The following SPINK8 variants were observed in gnomAD, a reference collection of about 807,000 sequenced individuals.
SPINK8 encodes serine protease inhibitor Kazal-type 8.
A neutral mutation model predicts 14.4 loss-of-function variants in SPINK8; 12 were observed. The ratio of observed to expected loss-of-function variants is 0.83; its 90% CI spans 0.53 to 1.35. The LOEUF is 1.35. Among genes scored for constraint, SPINK8 ranks in the 40% most tolerant of loss-of-function variants. The pLI is 0.00. For synonymous variants in SPINK8, 32 were observed against 37.6 expected (o/e 0.85, Z 0.55); for missense variants, 103 against 117.0 (o/e 0.88, Z 0.55).
intron 2 of SPINK8, among the ~76,000 whole-genome samples, chr3:48,330,795 A>G (rs2036246453): frequency 7.7e-6 from 1 of 129,654 alleles, no homozygotes. Flanking sequence ...CACCTTCTCT[A>G]GCTAGGCTTA....
At chr3:48,310,451 G>A (rs944205947) in intron 6 of SPINK8, among the ~76,000 whole-genome samples, 8 of 150,388 alleles carry the variant, frequency 5.3e-5, no homozygotes, top group African/African-American at 9.8e-5. Flanking sequence ...AAAATGTCCC[G>A]ACAAACACCA....
intron 7 of SPINK8, among the ~76,000 whole-genome samples, chr3:48,307,682 G>A (rs898700695): frequency 1.3e-5 from 2 of 151,932 alleles, no homozygotes; most frequent in South Asian, 2.1e-4. Context: ...TCATATATAT[G>A]AGTACATATC....
intron 4 of SPINK8, among the ~76,000 whole-genome samples, chr3:48,325,614 G>A (rs2036129231): frequency 6.9e-6 from 1 of 144,308 alleles, no homozygotes; most frequent in South Asian, 2.2e-4. Context: ...TTTTTTGAGA[G>A]TGAGTTTCAC....
intron 2 of SPINK8, among the ~76,000 whole-genome samples, chr3:48,330,539 T>G (rs2107117145): frequency 6.6e-6 from 1 of 152,162 alleles, no homozygotes; most frequent in East Asian, 1.9e-4. Flanking sequence ...TTGCAAGATT[T>G]AATAGAGTGG....
At chr3:48,319,862 G>A (rs554968717) in intron 5 of SPINK8, among the ~76,000 whole-genome samples, 4 of 152,218 alleles carry the variant, frequency 2.6e-5, no homozygotes, top group East Asian at 1.9e-4. Flanking sequence ...TAAAAATACC[G>A]GCCGGGCGCG....
chr3:48,314,408 G>C (rs1232227719), intron 6 of SPINK8, among the ~76,000 whole-genome samples: 2 of 151,710 alleles, frequency 1.3e-5, no homozygotes, highest in Non-Finnish European at 2.9e-5. Flanking sequence ...TTCTCAGTAA[G>C]AATAGTGAGT....
At chr3:48,323,193 G>A (rs1198560455) in intron 4 of SPINK8, among the ~76,000 whole-genome samples, 1 of 152,072 alleles carries the variant, frequency 6.6e-6, no homozygotes, top group Admixed American at 6.5e-5. Flanking sequence ...CACACAGGCT[G>A]GAGTGCAGTG....
chr3:48,307,537 CCCCA>C (rs142284489), intron 7 of SPINK8, among the ~76,000 whole-genome samples: 26,350 of 131,100 alleles, frequency 0.2, 3,062 homozygotes, highest in South Asian at 0.28. Flanking sequence ...CCTATCTGCC[CCCCA>C]CCCCCCCACC....
chr3:48,310,327 G>C (rs1314113434), intron 6 of SPINK8, among the ~76,000 whole-genome samples: 1 of 152,042 alleles, frequency 6.6e-6, no homozygotes, highest in Admixed American at 6.5e-5. Context: ...CAATAGATTA[G>C]ATATTCTGGA....
At chr3:48,316,086 G>GA (rs1205493858) in intron 6 of SPINK8, among the ~76,000 whole-genome samples, 1 of 152,068 alleles carries the variant, frequency 6.6e-6, no homozygotes, top group Non-Finnish European at 1.5e-5. Context: ...TTCAAATTGG[G>GA]AAAAAAATGA....
At chr3:48,310,087 TCTA>T (rs1292007322) in intron 6 of SPINK8, 141 bp from the exon 7 acceptor site, 1 of 1,129,034 alleles carries the variant, frequency 8.9e-7, no homozygotes, top group African/African-American at 1.6e-5. Context: ...ATTTAAAAAT[TCTA>T]CTATATGAAT....
chr3:48,310,029 C>T (rs891262377), intron 6 of SPINK8, 83 bp from the exon 7 acceptor site: 6 of 1,263,790 alleles, frequency 4.7e-6, no homozygotes, highest in South Asian at 2.4e-5. Context: ...TAATCTTTGG[C>T]TAAGTTTGGG....
intron 4 of SPINK8, among the ~76,000 whole-genome samples, chr3:48,321,534 T>C (rs1024771321): frequency 1.4e-4 from 21 of 151,106 alleles, no homozygotes; most frequent in African/African-American, 4.1e-4. Context: ...TATAATATGT[T>C]ATCAACTCTC....
chr3:48,322,300 C>A (rs1056333720), intron 4 of SPINK8, among the ~76,000 whole-genome samples: 6 of 151,928 alleles, frequency 3.9e-5, no homozygotes, highest in Non-Finnish European at 8.8e-5. Context: ...CCTGCCCCAC[C>A]CTCGCCCCTG....
chr3:48,313,833 T>C (rs1356073827), intron 6 of SPINK8, among the ~76,000 whole-genome samples: 1 of 152,180 alleles, frequency 6.6e-6, no homozygotes, highest in Non-Finnish European at 1.5e-5. Context: ...AAAATGATTA[T>C]GTAAGTGAAA....
At chr3:48,328,461 T>G in intron 3 of SPINK8, 107 bp from the exon 4 acceptor site, 1 of 644,362 alleles carries the variant, frequency 1.6e-6, no homozygotes. Context: ...ACTTTGTTCT[T>G]TCCTCAGGTC....
chr3:48,315,720 CAAAAAAAAAAAAA>C (rs66504818), intron 6 of SPINK8, among the ~76,000 whole-genome samples: 1 of 21,938 alleles, frequency 4.6e-5, no homozygotes, highest in African/African-American at 1.4e-4. Context: ...GACTCCATCT[CAAAAAAAAAAAAA>C]AAAAAAAAAA....
chr3:48,325,915 C>CTTTTT (rs71074233), intron 4 of SPINK8, among the ~76,000 whole-genome samples: 1 of 141,730 alleles, frequency 7.1e-6, no homozygotes. Flanking sequence ...CTTTTCTTTT[C>CTTTTT]TTTTTTTTTT....
chr3:48,317,800 G>A (rs1560016589), intron 6 of SPINK8, among the ~76,000 whole-genome samples: 1 of 152,190 alleles, frequency 6.6e-6, no homozygotes, highest in Admixed American at 6.5e-5. Context: ...AGGCTAGAGT[G>A]CAGTGGCACG....
Sources: allele counts gnomAD v4.1 joint callset (sites outside exome capture counted in the v4.1 genomes callset), GRCh38; gene constraint gnomAD v4.1.1; transcripts MANE v1.5; gene names NCBI Gene and HGNC (gene_info 2026-07-23, HGNC 2026-07-21).